Variants in PHACTR2 observed in about 807,000 individuals in gnomAD.
The protein encoded by PHACTR2 is chromosome 6 open reading frame 56.
Under a neutral mutation model 76.0 loss-of-function variants are expected in PHACTR2, and 30 were observed. That is an observed-to-expected ratio of 0.39 (90% CI 0.30 to 0.54). The LOEUF (loss-of-function observed/expected upper bound fraction) is 0.54, where lower values mean the gene tolerates loss of function less well. Ranked by LOEUF, PHACTR2 falls within the 20% of genes least tolerant of loss-of-function variation. The pLI is 0.61. For missense variants in PHACTR2, 696 were observed against 781.1 expected (o/e 0.89, Z 1.30); for synonymous variants, 292 against 292.5 (o/e 1.00, Z 0.02).
Position 143,807,240 on chromosome 6 carries a change from A to G in PHACTR2, c.1922+107A>G, listed in dbSNP as rs1436807556. 3 of 657,764 alleles carry G rather than the reference A, an allele frequency of 4.6e-6. No individual in the cohort carries two copies. The allele number at this position is 657,764 out of a possible 1,614,324, so 40.7% of individuals were successfully genotyped here. ...TACAATGGTAAATTTTATGATAGGT[A>G]TATTTCATCACAATTAAAAAATGTT... is the stretch of plus-strand genomic sequence containing the variant. On this transcript the variant is annotated intron_variant, in intron 12 of 12. Transcript: ENST00000440869. This position sits in a 1 kb window ranked among gnomAD's most constrained non-coding sequence, Gnocchi z 5.5.
At chr6:143,746,072 G>A (rs1220839434) in intron 2 of PHACTR2, among the ~76,000 whole-genome samples, 2 of 152,220 alleles carry the variant, frequency 1.3e-5, no homozygotes, top group Admixed American at 1.3e-4. Context: ...TATGTTTCAG[G>A]CTATCGGATG....
intron 1 of PHACTR2, among the ~76,000 whole-genome samples, chr6:143,544,847 A>C (rs1345233501): frequency 1.3e-5 from 2 of 152,250 alleles, no homozygotes; most frequent in African/African-American, 4.8e-5. Flanking sequence ...AAGTATCTAT[A>C]AATCAAAAAC....
At chr6:143,607,566 G>C (rs1056587027), upstream of PHACTR2, among the ~76,000 whole-genome samples, 4 of 145,600 alleles carry the variant, frequency 2.7e-5, no homozygotes, top group Admixed American at 6.8e-5. Flanking sequence ...AGTGACATTC[G>C]GTGAAAATAT....
Position 143,748,994 on chromosome 6 carries a change from G to A in PHACTR2, c.224G>A (p.Arg75Lys). The A allele has an allele frequency of 6.5e-7, 1 of 1,543,424 alleles. No individual in the cohort carries two copies. The highest frequency in any genetic ancestry group is 9.0e-7 in the Non-Finnish European group (1 of 1,117,096). ...TTGTTCTTTTTAAAAGTATTAGAAA[G>A]GAAGATATCCACACGACAAAGTAGA... ...KFRETSAVLERKISTRQSREE... is the reference protein window; with the variant it reads ...KFRETSAVLEKKISTRQSREE... The change falls in exon 3 of 13, where the codon AGG becomes AAG. Residue 75 changes from arginine to lysine, a missense_variant. This residue lies in a region of PHACTR2 where 460 missense variants were observed against 450.9 expected (regional missense o/e 1.02). Transcript: ENST00000440869.
At chr6:143,582,670 A>G (rs1775589594) in intron 1 of PHACTR2, among the ~76,000 whole-genome samples, 1 of 152,208 alleles carries the variant, frequency 6.6e-6, no homozygotes, top group African/African-American at 2.4e-5. Flanking sequence ...CATATTTGTA[A>G]ACAGTTTTAA....
chr6:143,736,459 T>C lies in PHACTR2; in HGVS notation c.215-12526T>C, dbSNP rs77556967. Among the ~76,000 whole-genome samples, 15 of 150,412 alleles carry C rather than the reference T, an allele frequency of 1.0e-4. No individual in the cohort carries two copies. In the East Asian group the frequency reaches 2.9e-3, roughly 29 times the overall value. On this transcript the variant is annotated intron_variant, in intron 2 of 12. Transcript: ENST00000440869. ...AAATGAAAATATTGGTGGATTATTA[T>C]CAAGGAATATGCAAATGTATACAGG...
chr6:143,678,227 G>A lies in PHACTR2; in HGVS notation c.46+18G>A, dbSNP rs1164850443. The A allele has an allele frequency of 5.4e-6, 8 of 1,488,774 alleles. 1 individual carries two copies. In the Admixed American group the frequency reaches 9.6e-5, roughly 18 times the overall value. 92.2% of individuals were successfully genotyped at this position (1,488,774 alleles called of 1,614,324 possible). A position where few individuals can be genotyped will look rare whatever the true frequency, so the allele number is the denominator to read the frequency against. ...CGGCAGCGGTGAGTCCGGGGCGCAC[G>A]CGATGCGCTCCCGCCGCGCGGGCGC... On this transcript the variant is annotated intron_variant, in intron 1 of 12. Coordinates refer to ENST00000440869, the MANE Select transcript of PHACTR2 (RefSeq NM_001100164.2). The surrounding 1 kb of genome is among the most constrained non-coding windows in gnomAD (Gnocchi z 6.2).
At chr6:143,706,604 C>G (rs752617914) in intron 1 of PHACTR2, among the ~76,000 whole-genome samples, 3 of 152,188 alleles carry the variant, frequency 2.0e-5, no homozygotes, top group Non-Finnish European at 2.9e-5. Flanking sequence ...TATACATGTT[C>G]AGCAGTTTCA....
rs1777479841 is a variant in PHACTR2 at position 143,684,887 on chromosome 6, T to TA, written c.46+6684dup. ...TTTAGACTCTTTGTAAATCTATATG[T>TA]AAAAAATGGCATCTTATTTTGATTA... is the stretch of plus-strand genomic sequence containing the variant. On this transcript the variant is annotated intron_variant, in intron 1 of 12. Transcript: ENST00000440869. This position sits in a 1 kb window ranked among gnomAD's most constrained non-coding sequence, Gnocchi z 4.3. 1.3e-5 allele frequency among the ~76,000 whole-genome samples: 2 copies of TA among 152,256 alleles called. No individual in the cohort carries two copies. Among genetic ancestry groups the TA allele is most frequent in the African/African-American group, 2.4e-5 (1 of 41,474 alleles).
At chr6:143,670,979 A>G (rs1241931444) in intron 1 of PHACTR2, among the ~76,000 whole-genome samples, 1 of 151,540 alleles carries the variant, frequency 6.6e-6, no homozygotes, top group Non-Finnish European at 1.5e-5. Context: ...GCTGGAGTAC[A>G]GTGGCACGAT....
At position 143,618,321 on chromosome 6, in the gene PHACTR2, T is replaced by G. The variant is rs887766258; in HGVS notation, c.13+9999T>G. On this transcript the variant is annotated intron_variant, in intron 1 of 11. Transcript: ENST00000305766. This position sits in a 1 kb window ranked among gnomAD's most constrained non-coding sequence, Gnocchi z 5.2. ...AGAATGAGTTTCAGATCATTTTAAATTGATAGTGACCTTAAATATTAAAGC... is the reference window on the plus strand; with the variant it reads ...AGAATGAGTTTCAGATCATTTTAAAGTGATAGTGACCTTAAATATTAAAGC... Among the ~76,000 whole-genome samples the G allele has an allele frequency of 6.6e-6, 1 of 151,984 alleles. No individual in the cohort carries two copies. Among genetic ancestry groups the G allele is most frequent in the African/African-American group, 2.4e-5 (1 of 41,342 alleles).
intron 2 of PHACTR2, among the ~76,000 whole-genome samples, chr6:143,727,930 A>G (rs1778610295): frequency 6.6e-6 from 1 of 152,232 alleles, no homozygotes; most frequent in African/African-American, 2.4e-5. Flanking sequence ...AAGAACTGGA[A>G]CAAGACAAGG....
chr6:143,567,850 C>T (rs1482751050), intron 1 of PHACTR2, among the ~76,000 whole-genome samples: 3 of 152,136 alleles, frequency 2.0e-5, no homozygotes, highest in Non-Finnish European at 4.4e-5. Flanking sequence ...AAAGTATGCT[C>T]TGAGATTTGG....
chr6:143,627,151 G>A lies in PHACTR2; in HGVS notation c.13+18829G>A, dbSNP rs765289373. ...ACCAAACAAGTTAGAAGGTCCAGGAGGGAAGTGCCACTTGGTGATGTAGGG... is the reference window on the plus strand; with the variant it reads ...ACCAAACAAGTTAGAAGGTCCAGGAAGGAAGTGCCACTTGGTGATGTAGGG... On this transcript the variant is annotated intron_variant, in intron 1 of 11. Coordinates refer to the PHACTR2 transcript ENST00000305766. This position sits in a 1 kb window ranked among gnomAD's most constrained non-coding sequence, Gnocchi z 4.3. Among the ~76,000 whole-genome samples the A allele has an allele frequency of 6.6e-6, 1 of 152,180 alleles. No homozygotes were observed. The highest frequency in any genetic ancestry group is 2.4e-5 in the African/African-American group (1 of 41,432).
rs1775238177 is a variant in PHACTR2, at chr6:143,774,913, C to T, written c.1589+698C>T. On this transcript the variant is annotated intron_variant, in intron 8 of 12. Transcript: ENST00000440869. This position sits in a 1 kb window ranked among gnomAD's most constrained non-coding sequence, Gnocchi z 5.4. ...AACTGGCAGTTTTAATAGAAGTGAGCATTCATGCCAGAGGTCTTATTTTTG... is the reference window on the plus strand; with the variant it reads ...AACTGGCAGTTTTAATAGAAGTGAGTATTCATGCCAGAGGTCTTATTTTTG... Among the ~76,000 whole-genome samples the T allele has an allele frequency of 6.6e-6, 1 of 152,192 alleles. No individual in the cohort carries two copies. Among genetic ancestry groups the T allele is most frequent in the Non-Finnish European group, 1.5e-5 (1 of 68,042 alleles).
chr6:143,608,958 G>A lies in PHACTR2; in HGVS notation c.13+636G>A, dbSNP rs1052017402. ...AATAATTAGCATAAAATTATCAGGTGGAACTTTTTTCTTTTTACTTTGCTG... is the reference window on the plus strand; with the variant it reads ...AATAATTAGCATAAAATTATCAGGTAGAACTTTTTTCTTTTTACTTTGCTG... On this transcript the variant is annotated intron_variant, in intron 1 of 11. Transcript: ENST00000305766. The surrounding 1 kb of genome is among the most constrained non-coding windows in gnomAD (Gnocchi z 4.6). 1.6e-4 allele frequency among the ~76,000 whole-genome samples: 24 copies of A among 152,124 alleles called. No individual in the cohort carries two copies. Among genetic ancestry groups the A allele is most frequent in the African/African-American group, 5.8e-4 (24 of 41,430 alleles).
chr6:143,683,752 T>A lies in PHACTR2; in HGVS notation c.46+5543T>A, dbSNP rs1392557901. On this transcript the variant is annotated intron_variant, in intron 1 of 12. Transcript: ENST00000440869. The surrounding 1 kb of genome is among the most constrained non-coding windows in gnomAD (Gnocchi z 4.1). ...GGAGTTTGTTTTCTTTATTCCATAA[T>A]ATATACATGGTAGGAAGTCAAACAT... is the stretch of plus-strand genomic sequence containing the variant. Among the ~76,000 whole-genome samples the A allele has an allele frequency of 6.6e-6, 1 of 152,222 alleles. No homozygotes were observed. The highest frequency in any genetic ancestry group is 2.4e-5 in the African/African-American group (1 of 41,458).
In PHACTR2 at chr6:143,658,281, T is replaced by C. The variant is rs990525989; in HGVS notation, c.13+49959T>C. Reference sequence around the variant, plus strand: ...TGGGTACAAATATAGAAATACACCTTCAAATTAACAAGGGAAATTCAGGTG... The same window carrying C: ...TGGGTACAAATATAGAAATACACCTCCAAATTAACAAGGGAAATTCAGGTG... On this transcript the variant is annotated intron_variant, in intron 1 of 11. Transcript: ENST00000305766. The surrounding 1 kb of genome is among the most constrained non-coding windows in gnomAD (Gnocchi z 4.1). 1.2e-4 allele frequency among the ~76,000 whole-genome samples: 18 copies of C among 152,172 alleles called. No individual in the cohort carries two copies. Among genetic ancestry groups the C allele is most frequent in the African/African-American group, 4.3e-4 (18 of 41,458 alleles).
Position 143,742,218 on chromosome 6 carries a change from C to G in PHACTR2, c.215-6767C>G, listed in dbSNP as rs1400034343. ...AGAGAGAACTCATTGGCTCATGTAA[C>G]TGAAAAATCCAGGGGCAGAAAACCT... On this transcript the variant is annotated intron_variant, in intron 2 of 12. Transcript: ENST00000440869. This position sits in a 1 kb window ranked among gnomAD's most constrained non-coding sequence, Gnocchi z 4.5. Among the ~76,000 whole-genome samples the G allele has an allele frequency of 1.3e-5, 2 of 152,018 alleles. No individual in the cohort carries two copies. The highest frequency in any genetic ancestry group is 4.8e-5 in the African/African-American group (2 of 41,374).
Sources: gnomAD v4.1 joint callset for allele counts (sites outside exome capture counted in the v4.1 genomes callset) on GRCh38, gnomAD v4.1.1 for gene constraint, gnomAD v4.1.1 regional missense constraint, Gnocchi (gnomAD v3.1) non-coding constraint, MANE v1.5 for transcripts, NCBI Gene and HGNC (gene_info 2026-07-23, HGNC 2026-07-21) for gene names.